RGS10: variants seen among roughly 807,000 people sequenced by gnomAD.
The protein encoded by RGS10 is regulator of G-protein signalling 10.
In RGS10, 11 loss-of-function variants were observed where a neutral mutation model predicts 23.5. The ratio of observed to expected loss-of-function variants is 0.47; its 90% CI spans 0.29 to 0.77. The LOEUF is 0.77. RGS10 is among the 30% of genes least tolerant of loss of function. The pLI is 0.08. For missense variants in RGS10, 180 were observed against 226.3 expected, an observed-to-expected ratio of 0.80 and a Z score of 1.31; for synonymous variants, 77 against 83.2, an observed-to-expected ratio of 0.92 and a Z score of 0.41.
At chr10:119,507,877 C>T (rs1844033474) in intron 4 of RGS10, among the ~76,000 whole-genome samples, 1 of 151,922 alleles carries the variant, frequency 6.6e-6, no homozygotes, top group Non-Finnish European at 1.5e-5. Flanking sequence ...TTTGTAAGCA[C>T]CAGAGGCTGA....
intron 4 of RGS10, among the ~76,000 whole-genome samples, chr10:119,504,189 T>C (rs900483563): frequency 6.6e-6 from 1 of 152,252 alleles, no homozygotes; most frequent in Non-Finnish European, 1.5e-5. Context: ...TCTTTTTTGT[T>C]GTTGTTGTTT....
intron 1 of RGS10, among the ~76,000 whole-genome samples, chr10:119,533,039 CA>C (rs537478454): frequency 3.0e-4 from 31 of 103,686 alleles, no homozygotes; most frequent in Non-Finnish European, 3.3e-4. Flanking sequence ...GACGCTGTCT[CA>C]AAAAAAAAAA....
chr10:119,509,957 A>G (rs1248782301), intron 4 of RGS10, among the ~76,000 whole-genome samples: 1 of 144,416 alleles, frequency 6.9e-6, no homozygotes, highest in Non-Finnish European at 1.5e-5. Context: ...GGAGAGGGGG[A>G]AGGGGGGAGA....
At chr10:119,540,087 T>C (rs931163662) in intron 1 of RGS10, among the ~76,000 whole-genome samples, 3 of 152,192 alleles carry the variant, frequency 2.0e-5, no homozygotes, top group Admixed American at 2.0e-4. Context: ...TGGGTGGTGA[T>C]GACCAGTCAG....
intron 1 of RGS10, 67 bp downstream of exon 1, chr10:119,542,523 G>A (rs2133963937): frequency 1.5e-6 from 2 of 1,312,546 alleles, no homozygotes; most frequent in Non-Finnish European, 2.0e-6. Flanking sequence ...ACAAGAGGGA[G>A]GGCAGGAGGC....
chr10:119,501,412 C>T (rs1393931534), intron 4 of RGS10, among the ~76,000 whole-genome samples: 1 of 152,172 alleles, frequency 6.6e-6, no homozygotes, highest in Non-Finnish European at 1.5e-5. Flanking sequence ...AACACACATA[C>T]ACTATTTTGT....
intron 3 of RGS10, among the ~76,000 whole-genome samples, chr10:119,520,383 A>G (rs1844198827): frequency 6.6e-6 from 1 of 152,112 alleles, no homozygotes; most frequent in African/African-American, 2.4e-5. Flanking sequence ...CAGGAGCTCG[A>G]GGGCATCAGG....
chr10:119,515,306 G>A, intron 4 of RGS10: 1 of 604,142 alleles, frequency 1.7e-6, no homozygotes, highest in Non-Finnish European at 2.9e-6. Flanking sequence ...AAACAGGCCT[G>A]GGGGGACTCC....
intron 1 of RGS10, among the ~76,000 whole-genome samples, chr10:119,533,406 T>G (rs116421929): frequency 0.021 from 3,179 of 151,840 alleles, 121 homozygotes; most frequent in African/African-American, 0.072. Flanking sequence ...TTAAAGTAAG[T>G]AAGTAAATAA....
At chr10:119,523,242 C>G (rs938636937) in intron 3 of RGS10, among the ~76,000 whole-genome samples, 1 of 152,172 alleles carries the variant, frequency 6.6e-6, no homozygotes, top group African/African-American at 2.4e-5. Context: ...ACACTCCAGG[C>G]CAAACACCCC....
At position 119,506,741 on chromosome 10, in the gene RGS10, G is replaced by A. The variant is rs1043089769; in HGVS notation, c.400-6482C>T. On this transcript the variant is annotated intron_variant, in intron 4 of 4. Transcript: ENST00000369103. ...TTTTGAGACGGAGTCTCACTCTGTC[G>A]CCAGGCTGGAGTGCAGCGGCGCGAT... Among the ~76,000 whole-genome samples, 9 of 152,116 alleles carry A rather than the reference G, an allele frequency of 5.9e-5. No individual in the cohort carries two copies. The East Asian group carries it at 7.8e-4, about 13-fold the overall frequency.
At chr10:119,531,472 TGA>T (rs1245534262) in intron 1 of RGS10, among the ~76,000 whole-genome samples, 1 of 152,134 alleles carries the variant, frequency 6.6e-6, no homozygotes, top group Non-Finnish European at 1.5e-5. Context: ...ACAAAATGTC[TGA>T]GAGTTAAAAG....
intron 1 of RGS10, among the ~76,000 whole-genome samples, chr10:119,539,901 T>A (rs1460055962): frequency 1.3e-5 from 2 of 151,526 alleles, no homozygotes; most frequent in African/African-American, 4.9e-5. Context: ...CTGGCTTTTG[T>A]GGAGCCTGAA....
intron 4 of RGS10, among the ~76,000 whole-genome samples, chr10:119,511,222 G>A (rs1338923485): frequency 1.3e-5 from 2 of 152,108 alleles, no homozygotes; most frequent in Admixed American, 6.6e-5. Context: ...CCAAAGGGCT[G>A]GGCACACCAA....
intron 4 of RGS10, among the ~76,000 whole-genome samples, chr10:119,500,722 C>T (rs889596501): frequency 6.0e-5 from 9 of 149,898 alleles, no homozygotes; most frequent in African/African-American, 7.4e-5. Context: ...GTCTGGCATC[C>T]GAGATCTCAA....
intron 1 of RGS10, among the ~76,000 whole-genome samples, chr10:119,533,230 G>A (rs1268841255): frequency 6.6e-6 from 1 of 151,568 alleles, no homozygotes; most frequent in Non-Finnish European, 1.5e-5. Flanking sequence ...TACTCAGGAG[G>A]CTGAGGCAGG....
chr10:119,523,134 T>C (rs912265073), intron 3 of RGS10, among the ~76,000 whole-genome samples: 3 of 151,996 alleles, frequency 2.0e-5, no homozygotes, highest in Admixed American at 6.6e-5. Flanking sequence ...ATTGCAGGCG[T>C]GAGCCACTGT....
At chr10:119,522,095 A>G (rs1467813) in intron 3 of RGS10, among the ~76,000 whole-genome samples, 108,197 of 152,116 alleles carry the variant, frequency 0.71, 38,565 homozygotes, top group South Asian at 0.78. Flanking sequence ...AGAGGAAGGA[A>G]GTTCACCATG....
intron 3 of RGS10, among the ~76,000 whole-genome samples, chr10:119,519,042 T>G (rs1844178934): frequency 6.6e-6 from 1 of 152,138 alleles, no homozygotes; most frequent in South Asian, 2.1e-4. Context: ...AAGAAAAGCA[T>G]GCACCCCTGC....
Sources: gnomAD v4.1 joint callset for allele counts (sites outside exome capture counted in the v4.1 genomes callset) on GRCh38, gnomAD v4.1.1 for gene constraint, MANE v1.5 for transcripts, NCBI Gene and HGNC (gene_info 2026-07-23, HGNC 2026-07-21) for gene names.